ZZEF1: variants seen among roughly 807,000 people sequenced by gnomAD.
The protein encoded by ZZEF1 is zinc finger ZZ-type and EF-hand domain containing 1.
In ZZEF1, 157 loss-of-function variants were observed where a neutral mutation model predicts 342.8. The observed-to-expected ratio is 0.46, with a 90% confidence interval of 0.40 to 0.52. The LOEUF is 0.52. Ranked by LOEUF, ZZEF1 falls within the 20% of genes least tolerant of loss-of-function variation. The probability of loss-of-function intolerance (pLI) is 0.00; values close to 1 mark genes in which losing one functional copy is unlikely to be tolerated. For missense variants in ZZEF1, 3,480 were observed against 3,725.6 expected (o/e 0.93, Z 1.72); for synonymous variants, 1,505 against 1,429.1 (o/e 1.05, Z -1.20).
intron 37 of ZZEF1, among the ~76,000 whole-genome samples, chr17:4,044,877 G>C (rs1208059598): frequency 6.6e-6 from 1 of 152,166 alleles, no homozygotes; most frequent in African/African-American, 2.4e-5. Flanking sequence ...TGTCGGGCTG[G>C]GTGTGATGGC....
At chr17:4,030,900 C>T (rs1052680017) in intron 42 of ZZEF1, among the ~76,000 whole-genome samples, 2 of 152,178 alleles carry the variant, frequency 1.3e-5, no homozygotes, top group Non-Finnish European at 2.9e-5. Flanking sequence ...ATAGTCTGGC[C>T]AGATGTGGTT....
Position 4,129,342 on chromosome 17 carries a change from C to T in ZZEF1, c.355-5291G>A, listed in dbSNP as rs994292321. Among the ~76,000 whole-genome samples the T allele has an allele frequency of 3.2e-4, 48 of 152,128 alleles. 1 individual carries two copies. Among genetic ancestry groups the T allele is most frequent in the Non-Finnish European group, 5.9e-5 (4 of 68,010 alleles). On this transcript the variant is annotated intron_variant, in intron 1 of 54. Transcript: ENST00000381638. ...TGGCGATTCCTCAAAAAGCTAAAAA[C>T]AGAACTACCATTTGACCCAGCAATC...
chr17:4,082,445 C>A lies in ZZEF1; in HGVS notation c.2706G>T (p.Thr902=). The change falls in exon 17 of 55, where the codon ACG becomes ACT. Residue 902 remains threonine, a synonymous_variant. Transcript: ENST00000381638. ...AAGAACGATCAGCTTACCTAAAATA[C>A]GTGCACAGTGAACGGAAAGTGAGCT... ...SLQLTFRSLC[T]YFSDKDPGGL... The A allele has an allele frequency of 6.2e-7, 1 of 1,614,050 alleles. No individual in the cohort carries two copies. The highest frequency in any genetic ancestry group is 8.5e-7 in the Non-Finnish European group (1 of 1,179,936).
In ZZEF1 at chr17:4,013,670, T is replaced by C. The variant is rs1231019527; in HGVS notation, c.8414-56A>G. 3 of 1,481,226 alleles carry C rather than the reference T, an allele frequency of 2.0e-6. No individual in the cohort carries two copies. The African/African-American group carries it at 4.3e-5, about 21-fold the overall frequency. 91.8% of individuals were successfully genotyped at this position (1,481,226 alleles called of 1,614,324 possible). On this transcript the variant is annotated intron_variant, in intron 51 of 54. Coordinates refer to ENST00000381638, the MANE Select transcript of ZZEF1 (RefSeq NM_015113.4). ...AACAGAGATACGTAATAAGTAATAT[T>C]ATTATTAAATAAAGTATAACAATTG...
chr17:4,118,713 T>C (rs2145522725), intron 2 of ZZEF1, among the ~76,000 whole-genome samples: 1 of 152,198 alleles, frequency 6.6e-6, no homozygotes, highest in Admixed American at 6.5e-5. Flanking sequence ...TCTTTCTTGG[T>C]TGTAGGAGGG....
chr17:4,103,542 G>A (rs2058161518), intron 8 of ZZEF1, among the ~76,000 whole-genome samples: 1 of 151,760 alleles, frequency 6.6e-6, no homozygotes, highest in African/African-American at 2.4e-5. Flanking sequence ...GCAGGACTCT[G>A]TCTCAAAAAA....
chr17:4,120,532 C>G (rs2058466468), intron 2 of ZZEF1, among the ~76,000 whole-genome samples: 1 of 152,172 alleles, frequency 6.6e-6, no homozygotes, highest in Admixed American at 6.5e-5. Context: ...CGTCTGAAAG[C>G]TGGGGAAGAA....
Position 4,082,495 on chromosome 17 carries a change from C to G in ZZEF1, c.2656G>C (p.Glu886Gln). Residue 886 changes from glutamate to glutamine, a missense_variant, in exon 17 of 55, where the codon GAG (glutamate) becomes CAG (glutamine). Transcript: ENST00000381638. ...TGCAGGGACTGCTTGTGCTCCTGCT[C>G]GGTGACATTCTTCTAGAAAACCAGA... ...NHLFTMMNVT[E>Q]QEHKQSLQLT... 7 of 1,613,924 alleles carry G rather than the reference C, an allele frequency of 4.3e-6. No individual in the cohort carries two copies. Among genetic ancestry groups the G allele is most frequent in the Non-Finnish European group, 5.9e-6 (7 of 1,179,942 alleles).
chr17:4,019,818 T>C (rs1434257519), intron 45 of ZZEF1, 49 bp from the exon 46 acceptor site: 1 of 1,429,242 alleles, frequency 7.0e-7, no homozygotes, highest in Non-Finnish European at 9.6e-7. Context: ...AGTGCTTCAA[T>C]ACGGTATTGA....
chr17:4,078,153 A>G, intron 18 of ZZEF1, 111 bp from the exon 19 acceptor site: 2 of 1,154,798 alleles, frequency 1.7e-6, no homozygotes, highest in Admixed American at 5.6e-5. Context: ...AACTATAGCC[A>G]CGGAAAAGTC....
At chr17:4,007,745 C>T (rs564607160) in intron 54 of ZZEF1, among the ~76,000 whole-genome samples, 9 of 152,258 alleles carry the variant, frequency 5.9e-5, no homozygotes, top group Admixed American at 4.6e-4. Flanking sequence ...ACAAACTCTT[C>T]GGTATGGGCT....
intron 39 of ZZEF1, among the ~76,000 whole-genome samples, chr17:4,042,054 T>C (rs914276944): frequency 6.6e-6 from 1 of 152,194 alleles, no homozygotes; most frequent in African/African-American, 2.4e-5. Flanking sequence ...GAAGTGTCAA[T>C]GATGGCTTCA....
chr17:4,089,732 C>T (rs1236774529), intron 12 of ZZEF1, among the ~76,000 whole-genome samples: 1 of 142,236 alleles, frequency 7.0e-6, no homozygotes, highest in Admixed American at 7.2e-5. Flanking sequence ...ATTCTCTCAG[C>T]CTGAGGCGCC....
chr17:4,094,131 C>T (rs1227163973), intron 11 of ZZEF1, among the ~76,000 whole-genome samples: 1 of 151,956 alleles, frequency 6.6e-6, no homozygotes, highest in African/African-American at 2.4e-5. Flanking sequence ...ATGATCTCTT[C>T]CACTTCTACA....
intron 43 of ZZEF1, among the ~76,000 whole-genome samples, chr17:4,024,182 C>T (rs1263278949): frequency 9.3e-6 from 1 of 107,030 alleles, no homozygotes; most frequent in African/African-American, 4.0e-5. Flanking sequence ...CAAATATTGC[C>T]CAGGTTTTTT....
chr17:4,015,358 C>T (rs1227593911), intron 49 of ZZEF1, among the ~76,000 whole-genome samples: 1 of 152,220 alleles, frequency 6.6e-6, no homozygotes, highest in Non-Finnish European at 1.5e-5. Context: ...TGGCCAATAA[C>T]CCAGTTCTAA....
chr17:4,114,228 CAA>C (rs1456613299), intron 4 of ZZEF1, 69 bp downstream of exon 4: 1 of 1,263,596 alleles, frequency 7.9e-7, no homozygotes, highest in Non-Finnish European at 1.0e-6. Context: ...ACTTAAAATA[CAA>C]AGAGTAGGCA....
chr17:4,133,101 T>A (rs9905000), intron 1 of ZZEF1, among the ~76,000 whole-genome samples: 5,766 of 152,260 alleles, frequency 0.038, 381 homozygotes, highest in African/African-American at 0.13. Flanking sequence ...TATAGCATAC[T>A]GAGAAAATAA....
chr17:4,135,306 T>A (rs569366604), intron 1 of ZZEF1, among the ~76,000 whole-genome samples: 1 of 152,212 alleles, frequency 6.6e-6, no homozygotes, highest in East Asian at 1.9e-4. Flanking sequence ...TGAAACCCCA[T>A]CTCTACTAAA....
Sources: gnomAD v4.1 joint callset for allele counts (sites outside exome capture counted in the v4.1 genomes callset) on GRCh38, gnomAD v4.1.1 for gene constraint, MANE v1.5 for transcripts, NCBI Gene and HGNC (gene_info 2026-07-23, HGNC 2026-07-21) for gene names.